FN1: variants seen among roughly 807,000 people sequenced by gnomAD.
The protein encoded by FN1 is fibronectin.
In FN1, 106 loss-of-function variants were observed where a neutral mutation model predicts 297.3. The ratio of observed to expected loss-of-function variants is 0.36; its 90% CI spans 0.30 to 0.42. The LOEUF (loss-of-function observed/expected upper bound fraction) is 0.42, where lower values mean the gene tolerates loss of function less well. Among genes scored for constraint, FN1 ranks in the 10% least tolerant of loss-of-function variants. The pLI is 1.00. For synonymous variants in FN1, 1,149 were observed against 1,152.6 expected, an observed-to-expected ratio of 1.00 and a Z score of 0.06; for missense variants, 2,690 against 3,124.9, an observed-to-expected ratio of 0.86 and a Z score of 3.32.
At position 215,435,794 on chromosome 2, in the gene FN1, C is replaced by G. The variant is rs778969485; in HGVS notation, c.9G>C (p.Arg3Ser). 1.9e-6 allele frequency: 3 copies of G among 1,559,772 alleles called. No homozygotes were observed. The highest frequency in any genetic ancestry group is 2.6e-6 in the Non-Finnish European group (3 of 1,155,584). Residue 3 changes from arginine to serine, a missense_variant, in exon 1 of 46, where the codon AGG (arginine) becomes AGC (serine). Arg to Ser is a moderately radical substitution (Grantham distance 110). Coordinates refer to ENST00000354785, the MANE Select transcript of FN1 (RefSeq NM_212482.4). MLRGPGPGLLLLA... is the reference protein window; with the variant it reads MLSGPGPGLLLLA... ...GCAGCAGCAGCCCGGGCCCCGGACC[C>G]CTAAGCATGTTGAGACGGTGGGGGA... is the stretch of plus-strand genomic sequence containing the variant.
rs1038849829 is a variant in FN1, at chr2:215,410,037, A to G, written c.2019T>C (p.Pro673=). 6.2e-7 allele frequency: 1 copy of G among 1,613,992 alleles called. No homozygotes were observed. Among genetic ancestry groups the G allele is most frequent in the Non-Finnish European group, 8.5e-7 (1 of 1,179,982 alleles). ...TGAGCTGGCCCTCGTATACCACACC[A>G]GGCTTCAGGCCTTTGATGGTGTAGG... ...LNSYTIKGLK[P]GVVYEGQLIS... is the part of the protein sequence containing the mutation. The change falls in exon 14 of 46, where the codon CCT becomes CCC. Residue 673 remains proline (P), a synonymous_variant. Transcript: ENST00000354785.
intron 12 of FN1, among the ~76,000 whole-genome samples, chr2:215,417,694 C>T (rs1262093088): frequency 3.3e-5 from 5 of 152,206 alleles, no homozygotes; most frequent in Non-Finnish European, 5.9e-5. Flanking sequence ...ATTCCAATCT[C>T]TTCCCTCCGA....
chr2:215,410,132 C>G lies in FN1; in HGVS notation c.1942-18G>C. 1 of 631,978 alleles carries G rather than the reference C, an allele frequency of 1.6e-6. No homozygotes were observed. Among genetic ancestry groups the G allele is most frequent in the African/African-American group, 2.3e-5 (1 of 43,864 alleles). 39.1% of individuals were successfully genotyped at this position (631,978 alleles called of 1,614,324 possible). A position where few individuals can be genotyped will look rare whatever the true frequency, so the allele number is the denominator to read the frequency against. On this transcript the variant is annotated intron_variant, in intron 13 of 45. Coordinates refer to ENST00000354785, the MANE Select transcript of FN1 (RefSeq NM_212482.4). ...GAATTTTTCTGAAAATTTAAATTAA[C>G]ACACACACACACACACACACGTGTT...
chr2:215,398,251 G>A (rs1205134273), intron 21 of FN1, among the ~76,000 whole-genome samples: 4 of 152,190 alleles, frequency 2.6e-5, no homozygotes, highest in African/African-American at 9.6e-5. Flanking sequence ...TAACCTTTTA[G>A]TTGCCATTTA....
chr2:215,412,305 G>A (rs1329932848), intron 13 of FN1, among the ~76,000 whole-genome samples: 1 of 151,824 alleles, frequency 6.6e-6, no homozygotes, highest in Non-Finnish European at 1.5e-5. Context: ...CCTCTTTAAG[G>A]GAATCTGTTT....
chr2:215,409,186 G>T (rs955566222), intron 15 of FN1, among the ~76,000 whole-genome samples: 11 of 152,136 alleles, frequency 7.2e-5, no homozygotes, highest in Non-Finnish European at 1.6e-4. Context: ...GTGCGCCAAT[G>T]AAGTTTTTTA....
In FN1 at chr2:215,375,464, G is replaced by A. The variant is rs113006116; in HGVS notation, c.5978-71C>T. On this transcript the variant is annotated intron_variant, in intron 37 of 45. Transcript: ENST00000354785. ...AAAATTACTCCCACACTTTTCTCCCGAGCCGTTCTAAACACACTTAAAAGA... is the reference window on the plus strand; with the variant it reads ...AAAATTACTCCCACACTTTTCTCCCAAGCCGTTCTAAACACACTTAAAAGA... 1.0e-4 allele frequency: 146 copies of A among 1,458,730 alleles called. No individual in the cohort carries two copies. The African/African-American group carries it at 1.2e-3, about 12-fold the overall frequency. 90.4% of individuals were successfully genotyped at this position (1,458,730 alleles called of 1,614,324 possible).
At chr2:215,368,550 A>G (rs1002846898) in intron 41 of FN1, among the ~76,000 whole-genome samples, 2 of 152,276 alleles carry the variant, frequency 1.3e-5, no homozygotes, top group African/African-American at 4.8e-5. Context: ...GAAAATGTTC[A>G]CTAAATAAAG....
At chr2:215,377,459 T>C (rs1447116054) in intron 35 of FN1, among the ~76,000 whole-genome samples, 1 of 151,332 alleles carries the variant, frequency 6.6e-6, no homozygotes, top group African/African-American at 2.4e-5. Flanking sequence ...ATGTATAAGG[T>C]CCTCCCCCCC....
At chr2:215,428,957 A>G (rs2065977624) in intron 5 of FN1, among the ~76,000 whole-genome samples, 1 of 151,986 alleles carries the variant, frequency 6.6e-6, no homozygotes, top group Non-Finnish European at 1.5e-5. Context: ...GGAGGTTGCA[A>G]TGAGCTGAGA....
At chr2:215,419,869 T>TTC (rs1168356835) in intron 11 of FN1, among the ~76,000 whole-genome samples, 1 of 152,220 alleles carries the variant, frequency 6.6e-6, no homozygotes, top group African/African-American at 2.4e-5. Flanking sequence ...CCTCTCAGGC[T>TTC]TCTCTCTCAG....
chr2:215,435,547 C>A (rs750086906), intron 1 of FN1, 108 bp downstream of exon 1: 12 of 1,493,246 alleles, frequency 8.0e-6, no homozygotes, highest in Non-Finnish European at 1.1e-5. Context: ...CAGTAAAGCG[C>A]GCACACACTC....
At chr2:215,375,103 C>A in intron 38 of FN1, 111 bp downstream of exon 38, 1 of 1,108,498 alleles carries the variant, frequency 9.0e-7, no homozygotes, top group Non-Finnish European at 1.4e-6. Context: ...TTATCAGGAA[C>A]AGAGTTTCGC....
chr2:215,407,804 T>C (rs2061965133), intron 17 of FN1, among the ~76,000 whole-genome samples: 2 of 152,130 alleles, frequency 1.3e-5, no homozygotes, highest in South Asian at 2.1e-4. Context: ...TTCAGGAAAT[T>C]ACACCTCTTC....
rs2055035283 is a variant in FN1, at chr2:215,368,143, G to C, written c.6854-116C>G. 3 of 1,087,976 alleles carry C rather than the reference G, an allele frequency of 2.8e-6. No homozygotes were observed. The East Asian group carries it at 7.7e-5, about 28-fold the overall frequency. The allele number at this position is 1,087,976 out of a possible 1,614,324, so 67.4% of individuals were successfully genotyped here. A position where few individuals can be genotyped will look rare whatever the true frequency, so the allele number is the denominator to read the frequency against. The stretch of plus-strand genomic sequence containing the variant: ...TTAATCTAAAACAAGAATTCCAGGA[G>C]GATTAAGAGGCATTCATCTGTTCTA... On this transcript the variant is annotated intron_variant, in intron 41 of 45. Coordinates refer to ENST00000354785, the MANE Select transcript of FN1 (RefSeq NM_212482.4).
rs995147631 is a variant in FN1 at position 215,367,914 on chromosome 2, A to G, written c.6967T>C (p.Leu2323=). The G allele has an allele frequency of 1.9e-6, 3 of 1,614,172 alleles. No homozygotes were observed. Among genetic ancestry groups the G allele is most frequent in the Non-Finnish European group, 1.7e-6 (2 of 1,180,006 alleles). Residue 2323 remains leucine (L), a synonymous_variant, in exon 42 of 46, where the codon TTG becomes CTG. Transcript: ENST00000354785. ...CTTCCAAAGCCTAAGCACTGGCACA[A>G]CAGTTTAAAGCCTGATTCAGACATT... ...ERMSESGFKL[L]CQCLGFGSGH...
Position 215,376,530 on chromosome 2 carries a change from A to C in FN1, c.5855T>G (p.Ile1952Ser). 1.2e-6 allele frequency: 2 copies of C among 1,614,008 alleles called. No individual in the cohort carries two copies. The highest frequency in any genetic ancestry group is 1.7e-6 in the Non-Finnish European group (2 of 1,179,986). Residue 1952 changes from isoleucine to serine, a missense_variant, in exon 36 of 46, where the codon ATC (isoleucine) becomes AGC (serine). By Grantham distance (142) the Ile-to-Ser change is moderately radical. Around this residue, in one of 3 missense-constraint regions of FN1, gnomAD observed 1,743 missense variants for 1,945.2 expected, o/e 0.90. Coordinates refer to ENST00000354785, the MANE Select transcript of FN1 (RefSeq NM_212482.4). ...ANGQTPIQRT[I>S]KPDVRSYTIT... Reference sequence around the variant, plus strand: ...GGTGTAGCTTCTGACATCTGGCTTGATGGTTCTCTGGATTGGAGTCTGGCC... The same window carrying C: ...GGTGTAGCTTCTGACATCTGGCTTGCTGGTTCTCTGGATTGGAGTCTGGCC...
At chr2:215,424,942 A>G (rs2065072531) in intron 7 of FN1, 152 bp downstream of exon 7, 3 of 756,830 alleles carry the variant, frequency 4.0e-6, no homozygotes, top group Non-Finnish European at 2.3e-6. Context: ...GATTGGAAGA[A>G]ACTATTTCAA....
chr2:215,422,184 C>T lies in FN1; in HGVS notation c.1453G>A (p.Asp485Asn). 6.2e-7 allele frequency: 1 copy of T among 1,614,096 alleles called. No homozygotes were observed. The highest frequency in any genetic ancestry group is 8.5e-7 in the Non-Finnish European group (1 of 1,179,910). ...GVMYRIGDQW[D>N]KQHDMGHMMR... ...ATGTGACCCATGTCATGCTGCTTAT[C>T]CCACTGATCTCCAATGCGGTACATG... Residue 485 changes from aspartate to asparagine, a missense_variant, in exon 10 of 46, where the codon GAT becomes AAT. Transcript: ENST00000354785.
Sources: allele counts gnomAD v4.1 joint callset (sites outside exome capture counted in the v4.1 genomes callset), GRCh38; gene constraint gnomAD v4.1.1; regional missense constraint gnomAD v4.1.1; transcripts MANE v1.5; gene names NCBI Gene and HGNC (gene_info 2026-07-23, HGNC 2026-07-21).